DLG2: variants seen among roughly 807,000 people sequenced by gnomAD.
The protein encoded by DLG2 is disks large homolog 2.
Under a neutral mutation model 132.5 loss-of-function variants are expected in DLG2, and 45 were observed. The ratio of observed to expected loss-of-function variants is 0.34; its 90% CI spans 0.27 to 0.44. The LOEUF (loss-of-function observed/expected upper bound fraction) is 0.44, where lower values mean the gene tolerates loss of function less well. Among genes scored for constraint, DLG2 ranks in the 20% least tolerant of loss-of-function variants. The pLI, the probability that DLG2 is intolerant of heterozygous loss-of-function variation, is 1.00. For missense variants in DLG2, 1,045 were observed against 1,196.9 expected (o/e 0.87, Z 1.87); for synonymous variants, 424 against 419.6 (o/e 1.01, Z -0.13).
intron 7 of DLG2, among the ~76,000 whole-genome samples, chr11:84,513,507 G>T (rs2154514609): frequency 6.6e-6 from 1 of 152,140 alleles, no homozygotes; most frequent in Admixed American, 6.5e-5. Flanking sequence ...CAATGGAACA[G>T]TACAGAGAAC....
chr11:84,535,744 G>C (rs1412224478), intron 6 of DLG2, among the ~76,000 whole-genome samples: 1 of 152,116 alleles, frequency 6.6e-6, no homozygotes, highest in Admixed American at 6.5e-5. Flanking sequence ...ACCTGGGAAA[G>C]AAGAAAGGGA....
chr11:84,212,788 A>G (rs1172897172), intron 8 of DLG2, among the ~76,000 whole-genome samples: 1 of 152,142 alleles, frequency 6.6e-6, no homozygotes, highest in East Asian at 1.9e-4. Flanking sequence ...CCTCCCGAGT[A>G]GCTGGGACTA....
At chr11:83,603,371 A>T (rs1181222772) in intron 19 of DLG2, among the ~76,000 whole-genome samples, 2 of 151,984 alleles carry the variant, frequency 1.3e-5, no homozygotes, top group Admixed American at 6.6e-5. Context: ...ACAGTTCTTC[A>T]TTCATTCTCA....
intron 7 of DLG2, among the ~76,000 whole-genome samples, chr11:84,445,848 G>A (rs1200576738): frequency 2.0e-5 from 3 of 149,688 alleles, no homozygotes; most frequent in Admixed American, 6.7e-5. Flanking sequence ...CCCGGGAGGC[G>A]GAGCTTGCAG....
intron 18 of DLG2, chr11:83,691,941 A>T (rs1490871586): frequency 6.6e-6 from 1 of 152,198 alleles, no homozygotes; most frequent in Non-Finnish European, 1.5e-5. Flanking sequence ...GACTACGTAA[A>T]GTTGTGAGAA....
At chr11:84,156,633 A>T (rs1293027465) in intron 9 of DLG2, among the ~76,000 whole-genome samples, 1 of 152,246 alleles carries the variant, frequency 6.6e-6, no homozygotes, top group Non-Finnish European at 1.5e-5. Context: ...TAAAAATCTG[A>T]ACCATTTCCT....
At chr11:83,765,645 A>C (rs2094111138) in intron 18 of DLG2, among the ~76,000 whole-genome samples, 1 of 152,252 alleles carries the variant, frequency 6.6e-6, no homozygotes, top group Non-Finnish European at 1.5e-5. Context: ...AGATGTAGAC[A>C]GATGTCTCAG....
chr11:83,465,370 A>G (rs2090830801), intron 26 of DLG2, among the ~76,000 whole-genome samples: 1 of 152,176 alleles, frequency 6.6e-6, no homozygotes, highest in Admixed American at 6.5e-5. Context: ...CAGAACAGTT[A>G]ATATCCTCTG....
chr11:84,194,868 C>T (rs1032268879), intron 8 of DLG2, among the ~76,000 whole-genome samples: 21 of 152,168 alleles, frequency 1.4e-4, no homozygotes, highest in African/African-American at 4.3e-4. Flanking sequence ...CTGGGGCCGG[C>T]GGCGCTGGCC....
intron 10 of DLG2, among the ~76,000 whole-genome samples, chr11:84,076,021 G>A (rs1242595681): frequency 6.6e-6 from 1 of 152,168 alleles, no homozygotes; most frequent in Non-Finnish European, 1.5e-5. Flanking sequence ...GCAACAAGAA[G>A]GGCCCCTTTG....
intron 3 of DLG2, among the ~76,000 whole-genome samples, chr11:85,296,042 G>A (rs1473787175): frequency 3.9e-5 from 6 of 152,144 alleles, no homozygotes; most frequent in South Asian, 4.1e-4. Context: ...TTTACATGCT[G>A]TGAACACAGA....
At chr11:84,691,285 C>G (rs1041262024) in intron 6 of DLG2, among the ~76,000 whole-genome samples, 3 of 151,786 alleles carry the variant, frequency 2.0e-5, no homozygotes, top group African/African-American at 7.2e-5. Flanking sequence ...AGGTAGTGAT[C>G]TATACCTAAA....
In DLG2 at chr11:83,911,157, C is replaced by CAAAG. The variant is rs2075975028; in HGVS notation, c.1496+19167_1496+19170dup. ...CTTATACTGATACAGTTATGAAAAC[C>CAAAG]AAAGAAAGATGGGAAAGTAGCTCAG... is the stretch of plus-strand genomic sequence containing the variant. On this transcript the variant is annotated intron_variant, in intron 15 of 27. Coordinates refer to ENST00000376104, the MANE Select transcript of DLG2 (RefSeq NM_001142699.3). 2.6e-5 allele frequency among the ~76,000 whole-genome samples: 4 copies of CAAAG among 151,680 alleles called. No homozygotes were observed. The South Asian group carries it at 8.3e-4, about 32-fold the overall frequency.
chr11:85,011,625 G>A (rs560017948), intron 6 of DLG2, among the ~76,000 whole-genome samples: 6 of 152,234 alleles, frequency 3.9e-5, no homozygotes, highest in Admixed American at 3.9e-4. Context: ...TTCTCCATAT[G>A]TTAAATAACG....
intron 5 of DLG2, among the ~76,000 whole-genome samples, chr11:85,148,944 T>G (rs1306662167): frequency 6.6e-6 from 1 of 152,102 alleles, no homozygotes; most frequent in African/African-American, 2.4e-5. Flanking sequence ...AAGGAAGGGG[T>G]CAAGTTTCAG....
In DLG2 at chr11:84,678,167, GC is replaced by G. The variant is rs2099719185; in HGVS notation, c.358-143437del. Among the ~76,000 whole-genome samples the G allele has an allele frequency of 1.3e-5, 2 of 152,064 alleles. 1 individual carries two copies. Among genetic ancestry groups the G allele is most frequent in the East Asian group, 3.9e-4 (2 of 5,152 alleles). ...AACCAGATGGTGAGAGCTAACCTAGGCCTCCATAGCTGCTTTTCTCTTCCTT... is the reference window on the plus strand; with the variant it reads ...AACCAGATGGTGAGAGCTAACCTAGGCTCCATAGCTGCTTTTCTCTTCCTT... On this transcript the variant is annotated intron_variant, in intron 6 of 27. Coordinates refer to ENST00000376104, the MANE Select transcript of DLG2 (RefSeq NM_001142699.3).
At chr11:84,694,907 A>G (rs1311475007) in intron 6 of DLG2, among the ~76,000 whole-genome samples, 5 of 151,608 alleles carry the variant, frequency 3.3e-5, no homozygotes, top group Non-Finnish European at 3.0e-5. Context: ...AACATTTTGT[A>G]TAGTCCAAAT....
intron 21 of DLG2, among the ~76,000 whole-genome samples, chr11:83,493,430 A>G (rs773793863): frequency 6.8e-6 from 1 of 147,092 alleles, no homozygotes; most frequent in African/African-American, 2.5e-5. Flanking sequence ...ATCTGCCTGC[A>G]TACACATTTG....
intron 16 of DLG2, among the ~76,000 whole-genome samples, chr11:83,858,270 G>A (rs772263880): frequency 6.6e-6 from 1 of 152,178 alleles, no homozygotes; most frequent in Non-Finnish European, 1.5e-5. Flanking sequence ...TCTTGGGTAT[G>A]TCAGGGGGTC....
Sources: allele counts gnomAD v4.1 joint callset (sites outside exome capture counted in the v4.1 genomes callset), GRCh38; gene constraint gnomAD v4.1.1; transcripts MANE v1.5; gene names NCBI Gene and HGNC (gene_info 2026-07-23, HGNC 2026-07-21).